PTPRD: variants seen among roughly 807,000 people sequenced by gnomAD.
PTPRD encodes the protein receptor-type tyrosine-protein phosphatase delta.
In PTPRD, 34 loss-of-function variants were observed where a neutral mutation model predicts 214.5. The observed-to-expected ratio is 0.16, with a 90% CI of 0.12 to 0.21. The LOEUF (loss-of-function observed/expected upper bound fraction) is 0.21. PTPRD is among the 10% of genes least tolerant of loss of function. PTPRD has a pLI of 1.00. For synonymous variants in PTPRD, 1,128 were observed against 845.7 expected (o/e 1.33, Z -5.79); for missense variants, 2,545 against 2,398.7 (o/e 1.06, Z -1.27).
intron 12 of PTPRD, among the ~76,000 whole-genome samples, chr9:8,714,007 G>C (rs1198528723): frequency 6.6e-6 from 1 of 152,206 alleles, no homozygotes; most frequent in Non-Finnish European, 1.5e-5. Context: ...GAATCAGTTA[G>C]TCCTATCAGA....
At chr9:8,863,072 T>TA (rs1004011975) in intron 11 of PTPRD, among the ~76,000 whole-genome samples, 2 of 139,938 alleles carry the variant, frequency 1.4e-5, no homozygotes, top group Non-Finnish European at 3.0e-5. Context: ...ATAATAATAA[T>TA]AAAAAAAAGA....
chr9:9,368,059 T>C (rs531107549), intron 9 of PTPRD, among the ~76,000 whole-genome samples: 2 of 151,878 alleles, frequency 1.3e-5, no homozygotes, highest in African/African-American at 4.8e-5. Context: ...GGCCATAAAC[T>C]ACTCAATATG....
intron 5 of PTPRD, among the ~76,000 whole-genome samples, chr9:9,864,775 G>A (rs980178623): frequency 6.6e-6 from 1 of 152,008 alleles, no homozygotes. Context: ...TTGCCTCCCA[G>A]AGCACTAGGA....
intron 11 of PTPRD, among the ~76,000 whole-genome samples, chr9:8,786,515 ATCTGTTC>A (rs1233880205): frequency 2.0e-5 from 3 of 147,030 alleles, no homozygotes; most frequent in Non-Finnish European, 4.4e-5. Context: ...GGTTCAAAAG[ATCTGTTC>A]TCCCACCTCA....
chr9:8,328,111 A>G (rs1377210712), intron 44 of PTPRD, among the ~76,000 whole-genome samples: 4 of 152,128 alleles, frequency 2.6e-5, no homozygotes, highest in Non-Finnish European at 4.4e-5. Context: ...TCTTCCCAGC[A>G]TCGATGGTCT....
intron 37 of PTPRD, among the ~76,000 whole-genome samples, chr9:8,381,833 A>AT (rs1201978129): frequency 6.6e-6 from 1 of 152,152 alleles, no homozygotes; most frequent in Admixed American, 6.6e-5. Context: ...AACTTTTCCA[A>AT]TGACTTCCCC....
At position 9,037,224 on chromosome 9, in the gene PTPRD, A is replaced by C. The variant is rs188452386; in HGVS notation, c.-142-18489T>G. ...TTGGAAAGGATTTTAGAGATAATTT[A>C]GTCCAAATCCTCCATTTTATGGTAG... On this transcript the variant is annotated intron_variant, in intron 10 of 45. Transcript: ENST00000381196. Among the ~76,000 whole-genome samples the C allele has an allele frequency of 2.5e-3, 375 of 152,252 alleles. 3 individuals are homozygous for C. The highest frequency in any genetic ancestry group is 0.023 in the Admixed American group (352 of 15,284).
At chr9:10,124,222 C>A (rs1447710466) in intron 3 of PTPRD, among the ~76,000 whole-genome samples, 1 of 152,110 alleles carries the variant, frequency 6.6e-6, no homozygotes, top group East Asian at 1.9e-4. Flanking sequence ...AATTAAAACA[C>A]AAGTTAGAAG....
At chr9:8,384,803 G>T (rs1195261699) in intron 37 of PTPRD, among the ~76,000 whole-genome samples, 5 of 152,188 alleles carry the variant, frequency 3.3e-5, no homozygotes, top group Admixed American at 1.3e-4. Flanking sequence ...TGAGATTACA[G>T]GCGTGAGCCA....
intron 12 of PTPRD, among the ~76,000 whole-genome samples, chr9:8,675,737 A>G (rs553374809): frequency 2.9e-4 from 44 of 151,830 alleles, no homozygotes; most frequent in African/African-American, 9.2e-4. Flanking sequence ...TATCTCCATC[A>G]CCTTGTCTCC....
chr9:10,558,237 C>A (rs1678290961), intron 2 of PTPRD, among the ~76,000 whole-genome samples: 1 of 152,054 alleles, frequency 6.6e-6, no homozygotes, highest in Non-Finnish European at 1.5e-5. Context: ...CTAATACACT[C>A]AATATATTGA....
At chr9:10,349,937 A>C (rs1187192837) in intron 2 of PTPRD, among the ~76,000 whole-genome samples, 1 of 152,190 alleles carries the variant, frequency 6.6e-6, no homozygotes, top group Non-Finnish European at 1.5e-5. Flanking sequence ...CTGGGATTAC[A>C]GGCATGAGCC....
intron 10 of PTPRD, among the ~76,000 whole-genome samples, chr9:9,153,499 A>T (rs1404754853): frequency 6.6e-6 from 1 of 152,204 alleles, no homozygotes; most frequent in Non-Finnish European, 1.5e-5. Flanking sequence ...TGAAATTTAT[A>T]AAATGTGAGA....
chr9:9,030,175 A>G (rs72692875), intron 10 of PTPRD, among the ~76,000 whole-genome samples: 16,793 of 151,250 alleles, frequency 0.11, 1,036 homozygotes, highest in African/African-American at 0.17. Flanking sequence ...GCATCAATAT[A>G]CTACCTGTCA....
intron 5 of PTPRD, among the ~76,000 whole-genome samples, chr9:9,788,476 C>T (rs1204564994): frequency 2.8e-5 from 4 of 144,796 alleles, no homozygotes; most frequent in South Asian, 4.4e-4. Context: ...GGCATGAACC[C>T]GGGAGGCAGA....
chr9:9,586,582 A>G (rs890518325), intron 7 of PTPRD, among the ~76,000 whole-genome samples: 1 of 152,022 alleles, frequency 6.6e-6, no homozygotes, highest in African/African-American at 2.4e-5. Flanking sequence ...CTACAATTCT[A>G]TGAGGTGAAA....
chr9:9,422,407 A>G (rs1429180703), intron 8 of PTPRD, among the ~76,000 whole-genome samples: 1 of 152,158 alleles, frequency 6.6e-6, no homozygotes, highest in Admixed American at 6.6e-5. Flanking sequence ...TAGTAGACCA[A>G]TCACCTGCTT....
chr9:8,375,446 G>A (rs1222391503), intron 39 of PTPRD, among the ~76,000 whole-genome samples: 1 of 151,916 alleles, frequency 6.6e-6, no homozygotes, highest in Non-Finnish European at 1.5e-5. Flanking sequence ...GATTTGTCAT[G>A]AGACTTGATA....
rs56130108 is a variant in PTPRD, at chr9:8,954,535, G to GAA, written c.-104+64160_-104+64161dup. 6.2e-3 allele frequency among the ~76,000 whole-genome samples: 925 copies of GAA among 149,916 alleles called. 5 individuals are homozygous for GAA. The highest frequency in any genetic ancestry group is 0.01 in the Middle Eastern group (3 of 288). On this transcript the variant is annotated intron_variant, in intron 11 of 45. Coordinates refer to ENST00000381196, the MANE Select transcript of PTPRD (RefSeq NM_002839.4). ...GAGAAAGAAGAAAGTGGTAAACATG[G>GAA]AAAAAAAAAGGCATAGTACAATAAT...
Sources: allele counts gnomAD v4.1 joint callset (sites outside exome capture counted in the v4.1 genomes callset), GRCh38; gene constraint gnomAD v4.1.1; transcripts MANE v1.5; gene names NCBI Gene and HGNC (gene_info 2026-07-23, HGNC 2026-07-21).